PELP1: variants seen among roughly 807,000 people sequenced by gnomAD.
The protein encoded by PELP1 is proline, glutamate and leucine rich protein 1.
A neutral mutation model predicts 95.5 loss-of-function variants in PELP1; 32 were observed. That is an observed-to-expected ratio of 0.34 (90% CI 0.25 to 0.45). The LOEUF (loss-of-function observed/expected upper bound fraction) is 0.45, where lower values mean the gene tolerates loss of function less well. Among genes scored for constraint, PELP1 ranks in the 20% least tolerant of loss-of-function variants. PELP1 has a pLI of 1.00. For missense variants in PELP1, 1,358 were observed against 1,444.8 expected (o/e 0.94, Z 0.97); for synonymous variants, 668 against 600.1 (o/e 1.11, Z -1.65).
intron 1 of PELP1, among the ~76,000 whole-genome samples, chr17:4,697,818 TA>T (rs973195894): frequency 6.6e-6 from 1 of 151,946 alleles, no homozygotes; most frequent in African/African-American, 2.4e-5. Context: ...TAATAGATGT[TA>T]AAATGAGTGG....
In PELP1 at chr17:4,674,584, T is replaced by C; in HGVS notation, c.1508A>G (p.Glu503Gly). ...CCGGTGGCTTGGCGGGGCCATAGCT[T>C]CCCCCACATCCAGCTTTAGCTTCTT... ...APKKLKLDVG[E>G]AMAPPSHRKG... Residue 503 changes from glutamate to glycine, a missense_variant, in exon 13 of 17, where the codon GAA becomes GGA. Glu to Gly is a moderately conservative substitution (Grantham distance 98). Transcript: ENST00000572293. 6.2e-7 allele frequency: 1 copy of C among 1,610,514 alleles called. No homozygotes were observed. Among genetic ancestry groups the C allele is most frequent in the Non-Finnish European group, 8.5e-7 (1 of 1,178,848 alleles).
At chr17:4,688,996 A>C (rs763016832) in intron 3 of PELP1, among the ~76,000 whole-genome samples, 14 of 152,252 alleles carry the variant, frequency 9.2e-5, no homozygotes, top group Non-Finnish European at 1.8e-4. Context: ...ATATAAAAAT[A>C]GGCACATAGA....
chr17:4,702,928 G>A (rs1177853404), intron 1 of PELP1, among the ~76,000 whole-genome samples: 1 of 152,100 alleles, frequency 6.6e-6, no homozygotes, highest in African/African-American at 2.4e-5. Context: ...AAGCTAGAAT[G>A]GGAGCAATGA....
intron 5 of PELP1, among the ~76,000 whole-genome samples, chr17:4,681,536 T>C (rs1184180099): frequency 6.6e-6 from 1 of 151,008 alleles, no homozygotes; most frequent in East Asian, 1.9e-4. Context: ...GCGCAGTAGC[T>C]AATGCCTGTA....
intron 3 of PELP1, among the ~76,000 whole-genome samples, chr17:4,690,281 T>C (rs1913051370): frequency 6.6e-6 from 1 of 152,016 alleles, no homozygotes; most frequent in Admixed American, 6.6e-5. Flanking sequence ...GGCGGAAATG[T>C]GGGAGATGGG....
chr17:4,702,156 T>C (rs1913564424), intron 1 of PELP1, among the ~76,000 whole-genome samples: 1 of 152,206 alleles, frequency 6.6e-6, no homozygotes, highest in East Asian at 1.9e-4. Flanking sequence ...TGGTGGCCCG[T>C]GCCTGTAATT....
intron 1 of PELP1, among the ~76,000 whole-genome samples, chr17:4,697,910 T>C (rs1017863175): frequency 6.6e-6 from 1 of 151,620 alleles, no homozygotes; most frequent in East Asian, 1.9e-4. Context: ...AAAAAAATCA[T>C]ACCTTTATAA....
Position 4,670,312 on chromosome 17 carries a change from A to C in PELP1, c.*1127T>G, listed in dbSNP as rs958557300. 4.6e-5 allele frequency: 7 copies of C among 152,132 alleles called. No individual in the cohort carries two copies. Among genetic ancestry groups the C allele is most frequent in the South Asian group, 4.1e-4 (2 of 4,822 alleles). 9.4% of individuals were successfully genotyped at this position (152,132 alleles called of 1,614,324 possible). ...TGATTCAACTGACTGAGCAAAAAAAACCACGGGGCCCCTAGTTCAAGCCCA... is the reference window on the plus strand; with the variant it reads ...TGATTCAACTGACTGAGCAAAAAAACCCACGGGGCCCCTAGTTCAAGCCCA... On this transcript the variant is annotated 3_prime_UTR_variant, in exon 17 of 17. Coordinates refer to ENST00000572293, the MANE Select transcript of PELP1 (RefSeq NM_014389.3).
rs1314284619 is a variant in PELP1 at position 4,703,878 on chromosome 17, C to T, written c.234G>A (p.Ser78=). 3 of 1,611,764 alleles carry T rather than the reference C, an allele frequency of 1.9e-6. No individual in the cohort carries two copies. Among genetic ancestry groups the T allele is most frequent in the South Asian group, 1.1e-5 (1 of 90,994 alleles). ...GLMCLLRLHG[S]VGGAQNLSAL... ...ACGGACTCACCTGGGCCCCGCCCAC[C>T]GACCCATGCAGCCGCAATAGGCACA... The change falls in exon 1 of 17, where the codon TCG becomes TCA. Residue 78 remains serine (S), a synonymous_variant. Transcript: ENST00000572293.
intron 3 of PELP1, among the ~76,000 whole-genome samples, chr17:4,683,387 AT>A (rs1006845671): frequency 6.6e-6 from 1 of 151,448 alleles, no homozygotes; most frequent in Non-Finnish European, 1.5e-5. Context: ...CGCCTGACTA[AT>A]TTTTTGTATT....
At chr17:4,690,789 C>T (rs1403643352) in intron 3 of PELP1, 99 bp downstream of exon 3, 19 of 762,192 alleles carry the variant, frequency 2.5e-5, no homozygotes. Context: ...TTATTCTGTC[C>T]CCAGAACTAC....
At chr17:4,685,303 GC>G (rs528163274) in intron 3 of PELP1, among the ~76,000 whole-genome samples, 2 of 151,906 alleles carry the variant, frequency 1.3e-5, no homozygotes, top group African/African-American at 2.4e-5. Context: ...TCTTCGCTTG[GC>G]CCCCCCAGCC....
Position 4,704,050 on chromosome 17 carries a change from G to A in PELP1, c.62C>T (p.Thr21Ile). 6.2e-7 allele frequency: 1 copy of A among 1,612,494 alleles called. No homozygotes were observed. The highest frequency in any genetic ancestry group is 8.5e-7 in the Non-Finnish European group (1 of 1,179,626). ...CGAGCTCACTGCCGAGAGACCCCCG[G>A]TCCCGCCAGGAACCCCAGCCGCGGA... ...AGSAAGVPGG[T>I]GGLSAVSSGP... The change falls in exon 1 of 17, where the codon ACC (threonine) becomes ATC (isoleucine). Residue 21 changes from threonine to isoleucine, a missense_variant. Physicochemically the swap from Thr to Ile is moderately conservative, Grantham distance 89. Coordinates refer to ENST00000572293, the MANE Select transcript of PELP1 (RefSeq NM_014389.3).
chr17:4,691,240 G>A, intron 2 of PELP1, 138 bp downstream of exon 2: 1 of 708,852 alleles, frequency 1.4e-6, no homozygotes, highest in Non-Finnish European at 2.4e-6. Flanking sequence ...GCTCACAAAA[G>A]GAATGTAACT....
At chr17:4,696,998 C>T (rs1186006737) in intron 1 of PELP1, among the ~76,000 whole-genome samples, 1 of 152,036 alleles carries the variant, frequency 6.6e-6, no homozygotes, top group African/African-American at 2.4e-5. Flanking sequence ...GCCAAATAGG[C>T]ACCGGCTAGA....
rs779202643 is a variant in PELP1 at position 4,674,861 on chromosome 17, G to A, written c.1370C>T (p.Ala457Val). 11 of 1,613,374 alleles carry A rather than the reference G, an allele frequency of 6.8e-6. No individual in the cohort carries two copies. Among genetic ancestry groups the A allele is most frequent in the Non-Finnish European group, 9.3e-6 (11 of 1,179,758 alleles). Residue 457 changes from alanine to valine, a missense_variant, in exon 12 of 17, where the codon GCC becomes GTC. This residue lies in a region of PELP1 where 538 missense variants were observed against 628.1 expected (regional missense o/e 0.86). Transcript: ENST00000572293. The stretch of plus-strand genomic sequence containing the variant: ...GTCGCTGAGCAGGTGGGTGAGCAGG[G>A]CCTCTCCAGAGGCTCCTCCCTGAAG... ...GMLQGGASGE[A>V]LLTHLLSDIS...
At position 4,671,477 on chromosome 17, in the gene PELP1, C is replaced by A; in HGVS notation, c.3355G>T (p.Asp1119Tyr). 3.1e-6 allele frequency: 5 copies of A among 1,610,042 alleles called. No individual in the cohort carries two copies. Among genetic ancestry groups the A allele is most frequent in the Non-Finnish European group, 4.3e-6 (5 of 1,176,310 alleles). ...TCTGTGGGAGGTGGTGGCTTCTCAT[C>A]ATCAGGGGGACAATCGATGAAGTCG... is the stretch of plus-strand genomic sequence containing the variant. The part of the protein sequence containing the change: ...LADFIDCPPD[D>Y]EKPPPPTEPD... The change falls in exon 17 of 17, where the codon GAT becomes TAT. Residue 1119 changes from aspartate to tyrosine, a missense_variant. Coordinates refer to ENST00000572293, the MANE Select transcript of PELP1 (RefSeq NM_014389.3).
In PELP1 at chr17:4,671,892, G is replaced by C. The variant is rs773057028; in HGVS notation, c.3099C>G (p.Ser1033=). The C allele has an allele frequency of 1.3e-6, 2 of 1,513,638 alleles. No individual in the cohort carries two copies. Among genetic ancestry groups the C allele is most frequent in the Non-Finnish European group, 1.8e-6 (2 of 1,134,712 alleles). The allele number at this position is 1,513,638 out of a possible 1,614,324, so 93.8% of individuals were successfully genotyped here. ...CCCCTTCCCTCTCCACCTCTCCCTG[G>C]GAGGGGAGCGCTTCAGGGGCCAGGG... is the stretch of plus-strand genomic sequence containing the variant. ...APTLAPEALP[S]QGEVEREGES... is the part of the protein sequence containing the mutation. The change falls in exon 16 of 17, where the codon TCC becomes TCG. Residue 1033 remains serine, a synonymous_variant. Coordinates refer to ENST00000572293, the MANE Select transcript of PELP1 (RefSeq NM_014389.3).
At chr17:4,687,546 A>G (rs944892942) in intron 3 of PELP1, among the ~76,000 whole-genome samples, 2 of 152,134 alleles carry the variant, frequency 1.3e-5, no homozygotes, top group African/African-American at 4.8e-5. Context: ...AACAGGAATC[A>G]GTAAATGATG....
Sources: gnomAD v4.1 joint callset for allele counts (sites outside exome capture counted in the v4.1 genomes callset) on GRCh38, gnomAD v4.1.1 for gene constraint, gnomAD v4.1.1 regional missense constraint, MANE v1.5 for transcripts, NCBI Gene and HGNC (gene_info 2026-07-23, HGNC 2026-07-21) for gene names.